Variants in MAP2K5 observed in about 807,000 individuals in gnomAD.
The protein encoded by MAP2K5 is dual specificity mitogen-activated protein kinase kinase 5.
A neutral mutation model predicts 83.1 loss-of-function variants in MAP2K5; 49 were observed. The ratio of observed to expected loss-of-function variants is 0.59; its 90% CI spans 0.47 to 0.75. MAP2K5 has a LOEUF of 0.75. MAP2K5 is among the 30% of genes least tolerant of loss of function. The probability of loss-of-function intolerance (pLI) is 0.00; values close to 1 mark genes in which losing one functional copy is unlikely to be tolerated. For synonymous variants in MAP2K5, 202 were observed against 191.8 expected (o/e 1.05, Z -0.44); for missense variants, 457 against 557.5 (o/e 0.82, Z 1.82).
intron 13 of MAP2K5, among the ~76,000 whole-genome samples, chr15:67,666,663 A>G (rs1255427480): frequency 6.6e-6 from 1 of 152,156 alleles, no homozygotes; most frequent in Non-Finnish European, 1.5e-5. Context: ...GATGGAGAGC[A>G]TAGAGGTTTC....
chr15:67,592,943 C>T lies in MAP2K5; in HGVS notation c.449C>T (p.Ala150Val). The change falls in exon 7 of 22, where the codon GCT becomes GTT. Residue 150 changes from alanine (A) to valine (V), a missense_variant. Ala to Val is a moderately conservative substitution (Grantham distance 64). Around this residue, in one of 3 missense-constraint regions of MAP2K5, gnomAD observed 234 missense variants for 243.6 expected, o/e 0.96. Coordinates refer to ENST00000178640, the MANE Select transcript of MAP2K5 (RefSeq NM_145160.3). The part of the protein sequence containing the change: ...LPSNSLKKSS[A>V]ELKKILANGQ... ...CTTTTCAGCTTAAAGAAGTCTTCTG[C>T]TGAACTGAAAAAAATACTAGCCAAT... is the stretch of plus-strand genomic sequence containing the variant. 6.2e-7 allele frequency: 1 copy of T among 1,607,220 alleles called. No individual in the cohort carries two copies. The highest frequency in any genetic ancestry group is 8.5e-7 in the Non-Finnish European group (1 of 1,175,778).
chr15:67,584,189 A>G (rs2085242833), intron 4 of MAP2K5, among the ~76,000 whole-genome samples: 1 of 152,246 alleles, frequency 6.6e-6, no homozygotes, highest in African/African-American at 2.4e-5. Flanking sequence ...GACTAGCTTT[A>G]TAGTAATTCC....
At chr15:67,789,531 T>C (rs1380502647) in intron 21 of MAP2K5, among the ~76,000 whole-genome samples, 2 of 152,094 alleles carry the variant, frequency 1.3e-5, no homozygotes, top group African/African-American at 2.4e-5. Context: ...CTGGCCAACA[T>C]GGTGAAACAC....
Position 67,687,339 on chromosome 15 carries a change from C to G in MAP2K5, c.848-5140C>G, listed in dbSNP as rs561801193. 2.6e-5 allele frequency among the ~76,000 whole-genome samples: 4 copies of G among 152,198 alleles called. No homozygotes were observed. The East Asian group carries it at 7.7e-4, about 29-fold the overall frequency. On this transcript the variant is annotated intron_variant, in intron 13 of 21. Coordinates refer to ENST00000178640, the MANE Select transcript of MAP2K5 (RefSeq NM_145160.3). ...AAATATGCACAGCCAAGCTTAGGAGCTATTTATTTGCATAACTTTCATTGT... is the reference window on the plus strand; with the variant it reads ...AAATATGCACAGCCAAGCTTAGGAGGTATTTATTTGCATAACTTTCATTGT...
intron 11 of MAP2K5, among the ~76,000 whole-genome samples, chr15:67,655,637 A>G (rs549682261): frequency 6.6e-6 from 1 of 151,822 alleles, no homozygotes; most frequent in South Asian, 2.1e-4. Flanking sequence ...TGCTTTCAAG[A>G]TTTTCTTTTT....
intron 8 of MAP2K5, among the ~76,000 whole-genome samples, chr15:67,618,691 CCTT>C (rs1252073672): frequency 7.9e-5 from 12 of 152,196 alleles, no homozygotes; most frequent in Admixed American, 1.3e-4. Flanking sequence ...CTTTCTTCCT[CCTT>C]CTTTTTCTCT....
chr15:67,689,247 C>T (rs1478628781), intron 13 of MAP2K5, among the ~76,000 whole-genome samples: 2 of 152,278 alleles, frequency 1.3e-5, no homozygotes, highest in South Asian at 4.1e-4. Flanking sequence ...TGCATACATA[C>T]ATTACATACA....
intron 2 of MAP2K5, among the ~76,000 whole-genome samples, chr15:67,553,354 T>G (rs889875008): frequency 2.0e-5 from 3 of 152,220 alleles, no homozygotes; most frequent in Non-Finnish European, 4.4e-5. Context: ...AGGTTTACGT[T>G]CTGTGATATC....
chr15:67,742,801 T>C (rs1406784770), intron 17 of MAP2K5, among the ~76,000 whole-genome samples: 1 of 152,250 alleles, frequency 6.6e-6, no homozygotes. Context: ...AACAGGAAGA[T>C]TTACTTTGGC....
chr15:67,723,288 A>C (rs896713583), intron 16 of MAP2K5, among the ~76,000 whole-genome samples: 8 of 152,218 alleles, frequency 5.3e-5, no homozygotes, highest in Non-Finnish European at 1.2e-4. Context: ...ACAGGCACAC[A>C]TACAAATATA....
At chr15:67,705,605 G>T (rs551016944) in intron 16 of MAP2K5, among the ~76,000 whole-genome samples, 2 of 152,122 alleles carry the variant, frequency 1.3e-5, no homozygotes, top group African/African-American at 4.8e-5. Context: ...GTGTGGTGGT[G>T]TACACCTGTA....
At chr15:67,806,290 G>A (rs902949287) in intron 21 of MAP2K5, among the ~76,000 whole-genome samples, 1 of 152,242 alleles carries the variant, frequency 6.6e-6, no homozygotes, top group Admixed American at 6.5e-5. Context: ...GCCAGGCCTC[G>A]GCTGACTGGC....
intron 8 of MAP2K5, among the ~76,000 whole-genome samples, chr15:67,611,309 C>T (rs1243236975): frequency 6.6e-6 from 1 of 152,080 alleles, no homozygotes; most frequent in Non-Finnish European, 1.5e-5. Flanking sequence ...TTACCATAGA[C>T]ACATGTACCG....
chr15:67,549,891 G>A lies in MAP2K5; in HGVS notation c.136-143G>A, dbSNP rs575834573. ...CTCTGGGTTTACGTTGCTGGGCTAA[G>A]TGTGATTATGAGCTAATGTTTTTAT... On this transcript the variant is annotated intron_variant, in intron 1 of 21. Coordinates refer to ENST00000178640, the MANE Select transcript of MAP2K5 (RefSeq NM_145160.3). The A allele has an allele frequency of 6.3e-5, 40 of 633,418 alleles. 1 individual carries two copies. Among genetic ancestry groups the A allele is most frequent in the South Asian group, 4.8e-4 (24 of 49,974 alleles). 39.2% of individuals were successfully genotyped at this position (633,418 alleles called of 1,614,324 possible).
At chr15:67,753,233 T>A (rs1324414320) in intron 19 of MAP2K5, among the ~76,000 whole-genome samples, 2 of 152,056 alleles carry the variant, frequency 1.3e-5, no homozygotes, top group African/African-American at 4.8e-5. Context: ...GAGTAAAAAC[T>A]ACAAAATTCT....
chr15:67,616,993 G>A (rs1212762995), intron 8 of MAP2K5, among the ~76,000 whole-genome samples: 1 of 152,166 alleles, frequency 6.6e-6, no homozygotes, highest in African/African-American at 2.4e-5. Flanking sequence ...TGTGGTTAAT[G>A]AAGGAAGTGC....
At chr15:67,744,924 T>C (rs2089570978) in intron 17 of MAP2K5, among the ~76,000 whole-genome samples, 1 of 152,168 alleles carries the variant, frequency 6.6e-6, no homozygotes, top group Non-Finnish European at 1.5e-5. Flanking sequence ...TTCTATGAAG[T>C]CATTCTTCCC....
rs1284336228 is a variant in MAP2K5, at chr15:67,563,187, T to C, written c.185-96T>C. 7.3e-7 allele frequency: 1 copy of C among 1,370,050 alleles called. No homozygotes were observed. The highest frequency in any genetic ancestry group is 9.7e-7 in the Non-Finnish European group (1 of 1,035,882). 84.9% of individuals were successfully genotyped at this position (1,370,050 alleles called of 1,614,324 possible). ...ACCCCCAAAATGTGGTGTTGAGGGT[T>C]AGAATATCACATTGTAATAAACCGT... is the stretch of plus-strand genomic sequence containing the variant. On this transcript the variant is annotated intron_variant, in intron 2 of 21. Coordinates refer to ENST00000178640, the MANE Select transcript of MAP2K5 (RefSeq NM_145160.3). The surrounding 1 kb of genome is among the most constrained non-coding windows in gnomAD (Gnocchi z 4.5).
At position 67,801,567 on chromosome 15, in the gene MAP2K5, A is replaced by G. The variant is rs2090707401; in HGVS notation, c.1243-5079A>G. On this transcript the variant is annotated intron_variant, in intron 21 of 21. Coordinates refer to ENST00000178640, the MANE Select transcript of MAP2K5 (RefSeq NM_145160.3). This position sits in a 1 kb window ranked among gnomAD's most constrained non-coding sequence, Gnocchi z 4.8. ...CAGGCAGTGTGGTGTCTTCCATGGT[A>G]GAAGAGTGTCCTGGGTTTAAACTCT... Among the ~76,000 whole-genome samples the G allele has an allele frequency of 6.6e-6, 1 of 152,210 alleles. No individual in the cohort carries two copies. Among genetic ancestry groups the G allele is most frequent in the Non-Finnish European group, 1.5e-5 (1 of 68,032 alleles).
Sources: gnomAD v4.1 joint callset for allele counts (sites outside exome capture counted in the v4.1 genomes callset) on GRCh38, gnomAD v4.1.1 for gene constraint, gnomAD v4.1.1 regional missense constraint, Gnocchi (gnomAD v3.1) non-coding constraint, MANE v1.5 for transcripts, NCBI Gene and HGNC (gene_info 2026-07-23, HGNC 2026-07-21) for gene names.